Variants in PRPSAP2 observed in about 807,000 individuals in gnomAD.
The protein encoded by PRPSAP2 is phosphoribosyl pyrophosphate synthetase associated protein 2.
PRPSAP2 carries 24 observed loss-of-function variants against 40.6 expected under a neutral mutation model. The ratio of observed to expected loss-of-function variants is 0.59; its 90% confidence interval spans 0.43 to 0.83. The LOEUF (loss-of-function observed/expected upper bound fraction) is 0.83. Among genes scored for constraint, PRPSAP2 ranks in the 40% least tolerant of loss-of-function variants. PRPSAP2 has a pLI of 0.00. For synonymous variants in PRPSAP2, 149 were observed against 164.7 expected, an observed-to-expected ratio of 0.90 and a Z score of 0.73; for missense variants, 292 against 465.6, an observed-to-expected ratio of 0.63 and a Z score of 3.43.
intron 9 of PRPSAP2, among the ~76,000 whole-genome samples, chr17:18,913,942 G>A (rs1297773080): frequency 1.3e-5 from 2 of 151,620 alleles, no homozygotes; most frequent in East Asian, 2.0e-4. Flanking sequence ...TTGGGAGGCC[G>A]AGGCAGGTGG....
chr17:18,869,337 TTTTC>T (rs1341785581), intron 4 of PRPSAP2, among the ~76,000 whole-genome samples: 6 of 128,712 alleles, frequency 4.7e-5, no homozygotes, highest in South Asian at 2.3e-4. Flanking sequence ...TTTTCTTTTC[TTTTC>T]TTTTTTTTTT....
chr17:18,919,157 G>A (rs2428365), intron 9 of PRPSAP2, among the ~76,000 whole-genome samples: 52,843 of 151,892 alleles, frequency 0.35, 9,416 homozygotes, highest in South Asian at 0.48. Flanking sequence ...CTTGAGCCCA[G>A]GAGTTTGAGA....
chr17:18,928,783 A>G, intron 10 of PRPSAP2, 28 bp from the exon 11 acceptor site: 1 of 1,612,384 alleles, frequency 6.2e-7, no homozygotes, highest in Non-Finnish European at 8.5e-7. Context: ...GTGCTCATAT[A>G]CATTCTTTTC....
Position 18,868,211 on chromosome 17 carries a change from C to T in PRPSAP2, c.172+877C>T, listed in dbSNP as rs570738464. ...ATTTTAGGCCAGGCGTGGTGGCTCA[C>T]GCCTGTAATCCCAGCACTTTGGGAG... is the stretch of plus-strand genomic sequence containing the variant. On this transcript the variant is annotated intron_variant, in intron 4 of 11. Coordinates refer to ENST00000268835, the MANE Select transcript of PRPSAP2 (RefSeq NM_002767.4). Among the ~76,000 whole-genome samples, 10 of 152,048 alleles carry T rather than the reference C, an allele frequency of 6.6e-5. No homozygotes were observed. The South Asian group carries it at 8.3e-4, about 13-fold the overall frequency.
intron 7 of PRPSAP2, among the ~76,000 whole-genome samples, chr17:18,887,003 C>G (rs2039213249): frequency 7.7e-6 from 1 of 129,172 alleles, no homozygotes; most frequent in South Asian, 2.6e-4. Context: ...GTGGCGCAAT[C>G]TCAGCTCATC....
chr17:18,912,553 C>T (rs1256540110), intron 9 of PRPSAP2, among the ~76,000 whole-genome samples: 1 of 152,202 alleles, frequency 6.6e-6, no homozygotes, highest in Non-Finnish European at 1.5e-5. Context: ...ATTTCAGCAT[C>T]ACCTCAAAAG....
chr17:18,881,175 TAA>T (rs35446593), intron 6 of PRPSAP2, among the ~76,000 whole-genome samples: 8 of 145,650 alleles, frequency 5.5e-5, no homozygotes, highest in Non-Finnish European at 9.0e-5. Flanking sequence ...CTCACAGTAC[TAA>T]AAAAAAAAAA....
At chr17:18,862,306 T>C (rs1010857328) in intron 1 of PRPSAP2, among the ~76,000 whole-genome samples, 1 of 152,182 alleles carries the variant, frequency 6.6e-6, no homozygotes, top group Non-Finnish European at 1.5e-5. Flanking sequence ...ACAGATGGGC[T>C]TTGAACAAAA....
At position 18,899,668 on chromosome 17, in the gene PRPSAP2, A is replaced by G. The variant is rs1258803147; in HGVS notation, c.584+9791A>G. 5.3e-5 allele frequency among the ~76,000 whole-genome samples: 8 copies of G among 150,840 alleles called. No homozygotes were observed. In the Admixed American group the frequency reaches 5.3e-4, roughly 10 times the overall value. ...ATCCGCCTCCCAAGAAGCTGGGACT[A>G]CAGGTGCATGCCACCGTGTCTTGCG... On this transcript the variant is annotated intron_variant, in intron 8 of 11. Coordinates refer to ENST00000268835, the MANE Select transcript of PRPSAP2 (RefSeq NM_002767.4).
At chr17:18,878,717 C>T (rs988680542) in intron 6 of PRPSAP2, among the ~76,000 whole-genome samples, 6 of 152,084 alleles carry the variant, frequency 3.9e-5, no homozygotes, top group Admixed American at 6.6e-5. Flanking sequence ...GCCACCACGC[C>T]CGGCTAATTT....
At chr17:18,863,693 C>T (rs1031137083) in intron 1 of PRPSAP2, among the ~76,000 whole-genome samples, 2 of 151,606 alleles carry the variant, frequency 1.3e-5, no homozygotes, top group East Asian at 1.9e-4. Flanking sequence ...CCACCACGCC[C>T]GGCTAATCTT....
chr17:18,901,929 G>A (rs1374241561), intron 8 of PRPSAP2, among the ~76,000 whole-genome samples: 1 of 152,122 alleles, frequency 6.6e-6, no homozygotes, highest in Non-Finnish European at 1.5e-5. Context: ...CTGCAGGCAT[G>A]TGCCACCATG....
chr17:18,923,766 G>T lies in PRPSAP2; in HGVS notation c.734-148G>T, dbSNP rs1446309975. 5 of 695,136 alleles carry T rather than the reference G, an allele frequency of 7.2e-6. No individual in the cohort carries two copies. The Admixed American group carries it at 1.6e-4, about 22-fold the overall frequency. 43.1% of individuals were successfully genotyped at this position (695,136 alleles called of 1,614,324 possible). ...CCATAAAGTATCAAGTTAGCTGTGG[G>T]TTTTTGTAGTTGCCCTTAATCAGAT... On this transcript the variant is annotated intron_variant, in intron 9 of 11. Coordinates refer to ENST00000268835, the MANE Select transcript of PRPSAP2 (RefSeq NM_002767.4).
At position 18,869,839 on chromosome 17, in the gene PRPSAP2, T is replaced by TG. The variant is rs60641047; in HGVS notation, c.172+2505_172+2506insG. 1.6e-4 allele frequency among the ~76,000 whole-genome samples: 21 copies of TG among 130,196 alleles called. 1 individual carries two copies. Among genetic ancestry groups the TG allele is most frequent in the Admixed American group, 7.6e-5 (1 of 13,082 alleles). 85.4% of individuals were successfully genotyped at this position (130,196 alleles called of 152,430 possible). A position where few individuals can be genotyped will look rare whatever the true frequency, so the allele number is the denominator to read the frequency against. On this transcript the variant is annotated intron_variant, in intron 4 of 11. Coordinates refer to ENST00000268835, the MANE Select transcript of PRPSAP2 (RefSeq NM_002767.4). ...AATCTGTTCCCATTTTGCTACTTTTTTTTTGTGTGTGTGTGTGTGTGTGTG... is the reference window on the plus strand; with the variant it reads ...AATCTGTTCCCATTTTGCTACTTTTTGTTTTGTGTGTGTGTGTGTGTGTGTG...
upstream of PRPSAP2, among the ~76,000 whole-genome samples, chr17:18,857,108 C>A (rs534639048): frequency 5.3e-5 from 8 of 151,940 alleles, no homozygotes; most frequent in Admixed American, 1.3e-4. Flanking sequence ...CGGAGGCGGG[C>A]GGATCACTTG....
intron 5 of PRPSAP2, 128 bp from the exon 6 acceptor site, chr17:18,877,570 G>T: frequency 1.3e-6 from 1 of 758,156 alleles, no homozygotes; most frequent in Non-Finnish European, 2.0e-6. Flanking sequence ...GGAATTTATT[G>T]GTTGGTTTTT....
chr17:18,876,109 G>C (rs2038282269), intron 5 of PRPSAP2, among the ~76,000 whole-genome samples: 1 of 152,080 alleles, frequency 6.6e-6, no homozygotes, highest in Non-Finnish European at 1.5e-5. Flanking sequence ...CTCCAGCCTG[G>C]GCAACAAGAG....
At chr17:18,924,262 G>T (rs1423349583) in intron 10 of PRPSAP2, among the ~76,000 whole-genome samples, 1 of 152,040 alleles carries the variant, frequency 6.6e-6, no homozygotes, top group Non-Finnish European at 1.5e-5. Context: ...CTGGTCTCAA[G>T]CTCCTGAACT....
chr17:18,930,315 A>G (rs1449488418), intron 11 of PRPSAP2, among the ~76,000 whole-genome samples: 4 of 152,216 alleles, frequency 2.6e-5, no homozygotes, highest in African/African-American at 7.2e-5. Context: ...CAGAGCTTGC[A>G]GTGAGCTGAG....
Sources: gnomAD v4.1 joint callset for allele counts (sites outside exome capture counted in the v4.1 genomes callset) on GRCh38, gnomAD v4.1.1 for gene constraint, MANE v1.5 for transcripts, NCBI Gene and HGNC (gene_info 2026-07-23, HGNC 2026-07-21) for gene names.